Variants in PRELID2 observed in about 807,000 individuals in gnomAD.
The protein encoded by PRELID2 is PRELI domain containing 2, also known as PRELI domain-containing protein 2.
Under a neutral mutation model 28.4 loss-of-function variants are expected in PRELID2, and 25 were observed. The ratio of observed to expected loss-of-function variants is 0.88; its 90% CI spans 0.64 to 1.23. PRELID2 has a LOEUF of 1.23. Among genes scored for constraint, PRELID2 ranks in the 50% most tolerant of loss-of-function variants. PRELID2 has a pLI of 0.00. For missense variants in PRELID2, 201 were observed against 214.4 expected (o/e 0.94, Z 0.39); for synonymous variants, 76 against 71.6 (o/e 1.06, Z -0.31).
intron 1 of PRELID2, among the ~76,000 whole-genome samples, chr5:145,748,634 C>A (rs887838941): frequency 3.9e-5 from 6 of 152,106 alleles, no homozygotes; most frequent in African/African-American, 1.4e-4. Flanking sequence ...CTTTAAATTT[C>A]ATATAGAATC....
chr5:145,695,509 C>A (rs1475868251), intron 1 of PRELID2, among the ~76,000 whole-genome samples: 2 of 152,210 alleles, frequency 1.3e-5, no homozygotes, highest in African/African-American at 4.8e-5. Flanking sequence ...TCCAGTGCCA[C>A]CTCCAACCTG....
chr5:145,686,018 T>C (rs964995286), intron 1 of PRELID2, among the ~76,000 whole-genome samples: 4 of 152,200 alleles, frequency 2.6e-5, no homozygotes, highest in African/African-American at 7.2e-5. Context: ...TACATGGGAA[T>C]GAACAGCATG....
At chr5:145,607,447 G>A (rs1013589514) in intron 1 of PRELID2, among the ~76,000 whole-genome samples, 8 of 151,956 alleles carry the variant, frequency 5.3e-5, no homozygotes, top group Non-Finnish European at 7.4e-5. Flanking sequence ...ATGTTGTATC[G>A]TTGTTCTCAT....
intron 1 of PRELID2, among the ~76,000 whole-genome samples, chr5:145,477,787 G>A (rs1004650266): frequency 6.6e-6 from 1 of 152,050 alleles, no homozygotes; most frequent in African/African-American, 2.4e-5. Context: ...GCATTCCTGG[G>A]TCAGTGGCAT....
chr5:145,753,865 G>T (rs1210125657), downstream of PRELID2, among the ~76,000 whole-genome samples: 5 of 152,126 alleles, frequency 3.3e-5, no homozygotes, highest in African/African-American at 1.2e-4. Flanking sequence ...GCTTCTTTCA[G>T]TTAACTTCTG....
chr5:145,305,776 T>G, the PRELID2 span, among the ~76,000 whole-genome samples: 3 of 152,054 alleles, frequency 2.0e-5, no homozygotes, highest in Non-Finnish European at 4.4e-5. Context: ...ATCTACCACA[T>G]CCTGGCACAA....
chr5:145,619,895 G>A (rs1267879997), intron 1 of PRELID2, among the ~76,000 whole-genome samples: 2 of 152,078 alleles, frequency 1.3e-5, no homozygotes, highest in Non-Finnish European at 2.9e-5. Flanking sequence ...AGAAATTCCA[G>A]CTGAAACCAC....
chr5:145,601,217 A>C (rs1753391286), intron 1 of PRELID2, among the ~76,000 whole-genome samples: 1 of 152,174 alleles, frequency 6.6e-6, no homozygotes, highest in African/African-American at 2.4e-5. Context: ...AATAATGAAA[A>C]TATAATTGTG....
chr5:145,654,728 A>C lies in PRELID2; in HGVS notation n.70+110203T>G, dbSNP rs1464656097. 3.3e-5 allele frequency among the ~76,000 whole-genome samples: 5 copies of C among 152,308 alleles called. No individual in the cohort carries two copies. In the East Asian group the frequency reaches 5.8e-4, roughly 18 times the overall value. ...TCATGCTAAAAACTCTCAATAAATTAGGTATTGATGGGATGTATCTCAAAA... is the reference window on the plus strand; with the variant it reads ...TCATGCTAAAAACTCTCAATAAATTCGGTATTGATGGGATGTATCTCAAAA... On this transcript the variant is annotated intron_variant and non_coding_transcript_variant, in intron 1 of 2. Transcript: ENST00000510259.
At chr5:145,267,927 T>TAA in the PRELID2 span, among the ~76,000 whole-genome samples, 3 of 152,314 alleles carry the variant, frequency 2.0e-5, no homozygotes, top group Admixed American at 2.0e-4. Context: ...CATTTTAATA[T>TAA]AACTGTTTAC....
chr5:145,280,357 C>A, the PRELID2 span, among the ~76,000 whole-genome samples: 4 of 152,222 alleles, frequency 2.6e-5, no homozygotes, highest in South Asian at 6.2e-4. Flanking sequence ...GAAATAATTT[C>A]TTTGCTCATG....
At chr5:145,606,875 C>T (rs765387280) in intron 1 of PRELID2, among the ~76,000 whole-genome samples, 66 of 151,098 alleles carry the variant, frequency 4.4e-4, no homozygotes, top group Non-Finnish European at 6.7e-4. Context: ...AATTTGGCTG[C>T]GCTTTTTCTG....
chr5:145,600,480 A>G (rs111895438), intron 1 of PRELID2, among the ~76,000 whole-genome samples: 5,098 of 147,698 alleles, frequency 0.035, 216 homozygotes, highest in African/African-American at 0.088. Context: ...GATGGGGGAC[A>G]CCATGCCTTG....
chr5:145,819,499 G>C, intron 3 of PRELID2: 1 of 832,914 alleles, frequency 1.2e-6, no homozygotes, highest in Non-Finnish European at 2.0e-6. Context: ...AAGACTTACA[G>C]AGGGTGTGGA....
intron 1 of PRELID2, among the ~76,000 whole-genome samples, chr5:145,700,008 T>G (rs1316124382): frequency 6.6e-6 from 1 of 152,096 alleles, no homozygotes; most frequent in Non-Finnish European, 1.5e-5. Context: ...CAATTTTCCT[T>G]TTAGAGCAAC....
chr5:145,397,891 A>G, the PRELID2 span, among the ~76,000 whole-genome samples: 92 of 152,278 alleles, frequency 6.0e-4, 3 homozygotes, highest in South Asian at 0.017. Flanking sequence ...GCGGGAATAT[A>G]TTAGGGAATG....
At chr5:145,447,647 G>A in the PRELID2 span, among the ~76,000 whole-genome samples, 2 of 99,908 alleles carry the variant, frequency 2.0e-5, no homozygotes, top group African/African-American at 4.0e-5. Context: ...ACAGTCCCCA[G>A]AGTGTGATAT....
the PRELID2 span, among the ~76,000 whole-genome samples, chr5:145,452,920 C>T: frequency 2.6e-5 from 4 of 152,126 alleles, no homozygotes; most frequent in African/African-American, 9.7e-5. Flanking sequence ...TCACCAGTTC[C>T]TCTTGCTGAA....
At chr5:145,474,835 A>G (rs1224720353) in intron 1 of PRELID2, among the ~76,000 whole-genome samples, 1 of 152,196 alleles carries the variant, frequency 6.6e-6, no homozygotes, top group Non-Finnish European at 1.5e-5. Context: ...ATTGACAAAA[A>G]AATAGTCTAG....
Sources: allele counts gnomAD v4.1 joint callset (sites outside exome capture counted in the v4.1 genomes callset), GRCh38; gene constraint gnomAD v4.1.1; transcripts MANE v1.5; gene names NCBI Gene and HGNC (gene_info 2026-07-23, HGNC 2026-07-21).